Variants in SLC51B observed in about 807,000 individuals in gnomAD.
SLC51B encodes the protein organic solute transporter subunit beta.
Under a neutral mutation model 8.0 loss-of-function variants are expected in SLC51B, and 6 were observed. That is an observed-to-expected ratio of 0.75 (90% CI 0.41 to 1.48). The LOEUF (loss-of-function observed/expected upper bound fraction) is 1.48, where lower values mean the gene tolerates loss of function less well. SLC51B is among the 40% of genes most tolerant of loss of function. The pLI is 0.01. For missense variants in SLC51B, 150 were observed against 149.7 expected (o/e 1.00, Z -0.01); for synonymous variants, 61 against 54.8 (o/e 1.11, Z -0.50).
At position 65,050,839 on chromosome 15, in the gene SLC51B, T is replaced by C. The variant is rs1388330997; in HGVS notation, c.98-676T>C. On this transcript the variant is annotated intron_variant, in intron 2 of 3. Coordinates refer to ENST00000334287, the MANE Select transcript of SLC51B (RefSeq NM_178859.4). ...TTTTTTCTTTCTTCTTCTTCTTCTTTTTTTTTTTTTTTTTGCCTTTTTTTT... is the reference window on the plus strand; with the variant it reads ...TTTTTTCTTTCTTCTTCTTCTTCTTCTTTTTTTTTTTTTTGCCTTTTTTTT... Among the ~76,000 whole-genome samples the C allele has an allele frequency of 1.2e-4, 17 of 145,570 alleles. No individual in the cohort carries two copies. In the South Asian group the frequency reaches 3.2e-3, roughly 27 times the overall value.
At chr15:65,050,836 C>CTTTTTTTTTTTTT (rs57404080) in intron 2 of SLC51B, among the ~76,000 whole-genome samples, 4 of 95,646 alleles carry the variant, frequency 4.2e-5, no homozygotes, top group Non-Finnish European at 5.6e-5. Flanking sequence ...TCTTCTTCTT[C>CTTTTTTTTTTTTT]TTTTTTTTTT....
intron 1 of SLC51B, chr15:65,049,360 G>T (rs1209900021): frequency 4.6e-5 from 7 of 151,540 alleles, no homozygotes; most frequent in Admixed American, 2.0e-4. Context: ...AAAAGCTCTC[G>T]GGGTCGGGGC....
At chr15:65,051,143 C>A (rs997076585) in intron 2 of SLC51B, among the ~76,000 whole-genome samples, 1 of 152,138 alleles carries the variant, frequency 6.6e-6, no homozygotes, top group Non-Finnish European at 1.5e-5. Flanking sequence ...TGAGCCCAGC[C>A]TTCTTTCTTT....
intron 1 of SLC51B, among the ~76,000 whole-genome samples, chr15:65,048,904 G>C (rs998545905): frequency 4.0e-5 from 6 of 151,810 alleles, no homozygotes; most frequent in African/African-American, 1.5e-4. Flanking sequence ...CAGCTACTTA[G>C]GAGGCTGAGA....
At chr15:65,050,139 G>C in intron 2 of SLC51B, 38 bp downstream of exon 2, 1 of 1,506,166 alleles carries the variant, frequency 6.6e-7, no homozygotes, top group South Asian at 1.2e-5. Flanking sequence ...GTGGGGGTGT[G>C]CCCCTCAACA....
chr15:65,046,343 G>T (rs1339733288), intron 1 of SLC51B, among the ~76,000 whole-genome samples: 1 of 151,396 alleles, frequency 6.6e-6, no homozygotes. Flanking sequence ...GGTGGTGGAT[G>T]CCTATAATCA....
At chr15:65,047,879 C>T (rs1053691069) in intron 1 of SLC51B, among the ~76,000 whole-genome samples, 14 of 152,072 alleles carry the variant, frequency 9.2e-5, no homozygotes, top group African/African-American at 3.4e-4. Flanking sequence ...CATGTGAGTC[C>T]TTGAAAGTCT....
intron 1 of SLC51B, among the ~76,000 whole-genome samples, chr15:65,047,767 T>C (rs769318219): frequency 8.1e-5 from 12 of 148,424 alleles, no homozygotes; most frequent in Non-Finnish European, 1.6e-4. Flanking sequence ...GGTAGGCAGA[T>C]AGATAGATAG....
intron 2 of SLC51B, 26 bp from the exon 3 acceptor site, chr15:65,051,489 G>A: frequency 3.7e-6 from 6 of 1,610,696 alleles, no homozygotes; most frequent in Non-Finnish European, 5.1e-6. Context: ...ATTCCTCAGG[G>A]CTCTGTCCTG....
Position 65,045,498 on chromosome 15 carries a change from A to C in SLC51B, c.-193A>C, listed in dbSNP as rs1296257872. Reference sequence around the variant, plus strand: ...AGTGCAAAGACTATCCTGTTCTCCCATAAAGAGGAGGAAAAGGAAGATACA... The same window carrying C: ...AGTGCAAAGACTATCCTGTTCTCCCCTAAAGAGGAGGAAAAGGAAGATACA... On this transcript the variant is annotated 5_prime_UTR_variant, in exon 1 of 4. Transcript: ENST00000334287. The C allele has an allele frequency of 6.6e-6, 1 of 152,236 alleles. No homozygotes were observed. The highest frequency in any genetic ancestry group is 1.5e-5 in the Non-Finnish European group (1 of 68,050). The allele number at this position is 152,236 out of a possible 1,614,324, so 9.4% of individuals were successfully genotyped here. A position where few individuals can be genotyped will look rare whatever the true frequency, so the allele number is the denominator to read the frequency against.
rs535025154 is a variant in SLC51B, at chr15:65,048,596, T to G, written c.-108-1301T>G. ...TGGTGCCCTATGGCATGTTTTATAA[T>G]TGATCTGTTCAAAACACTTCTCTTG... On this transcript the variant is annotated intron_variant, in intron 1 of 3. Coordinates refer to ENST00000334287, the MANE Select transcript of SLC51B (RefSeq NM_178859.4). Among the ~76,000 whole-genome samples the G allele has an allele frequency of 5.3e-5, 8 of 152,370 alleles. No homozygotes were observed. In the South Asian group the frequency reaches 1.0e-3, roughly 20 times the overall value.
At chr15:65,049,762 A>C in intron 1 of SLC51B, 135 bp from the exon 2 acceptor site, 1 of 403,462 alleles carries the variant, frequency 2.5e-6, no homozygotes, top group Non-Finnish European at 4.5e-6. Flanking sequence ...CTGCCCCTCC[A>C]GGCTCCACGT....
intron 2 of SLC51B, 79 bp downstream of exon 2, chr15:65,050,180 C>A: frequency 9.0e-7 from 1 of 1,107,496 alleles, no homozygotes; most frequent in Non-Finnish European, 1.3e-6. Flanking sequence ...GGTCCTGACA[C>A]TGTCGTCCCC....
chr15:65,053,382 A>G lies in SLC51B; in HGVS notation c.*218A>G, dbSNP rs1023737439. 1.5e-6 allele frequency: 2 copies of G among 1,377,768 alleles called. No individual in the cohort carries two copies. Among genetic ancestry groups the G allele is most frequent in the African/African-American group, 2.9e-5 (2 of 68,598 alleles). 85.3% of individuals were successfully genotyped at this position (1,377,768 alleles called of 1,614,324 possible). On this transcript the variant is annotated 3_prime_UTR_variant, in exon 4 of 4. Transcript: ENST00000334287. ...TTTTATTAAAATGCTCCTGGAAGGG[A>G]GCAGGTGGTATTGCATAGTTTGTTC...
At chr15:65,050,833 C>CTTTTTTTTTTTTTTTTTTTTTTTTTTTT (rs67418433) in intron 2 of SLC51B, among the ~76,000 whole-genome samples, 16 of 88,602 alleles carry the variant, frequency 1.8e-4, no homozygotes, top group East Asian at 3.8e-4. Context: ...TCTTCTTCTT[C>CTTTTTTTTTTTTTTTTTTTTTTTTTTTT]TTCTTTTTTT....
rs375150814 is a variant in SLC51B, at chr15:65,050,079, T to C, written c.75T>C (p.Leu25=). 2 of 1,551,590 alleles carry C rather than the reference T, an allele frequency of 1.3e-6. No homozygotes were observed. The highest frequency in any genetic ancestry group is 8.7e-7 in the Non-Finnish European group (1 of 1,146,934). The stretch of plus-strand genomic sequence containing the variant: ...CCCAGGAGCTGCTGGAAGAGATGCT[T>C]TGGTTTTTTCGTGTGGAAGATGGTA... ...VVPQELLEEM[L]WFFRVEDASP... The change falls in exon 2 of 4, where the codon CTT becomes CTC. Residue 25 remains leucine (L), a synonymous_variant. Coordinates refer to ENST00000334287, the MANE Select transcript of SLC51B (RefSeq NM_178859.4).
chr15:65,049,810 T>G (rs1390373249), intron 1 of SLC51B, 87 bp from the exon 2 acceptor site: 4 of 387,830 alleles, frequency 1.0e-5, no homozygotes, highest in Non-Finnish European at 1.9e-5. Flanking sequence ...GTCCCATAAC[T>G]TTGGGCCAGA....
At chr15:65,047,822 TAGATAG>T (rs2140503679) in intron 1 of SLC51B, among the ~76,000 whole-genome samples, 1 of 151,848 alleles carries the variant, frequency 6.6e-6, no homozygotes, top group African/African-American at 2.4e-5. Flanking sequence ...GATAGATAGA[TAGATAG>T]ATAGATAGAA....
In SLC51B at chr15:65,051,617, G is replaced by A. The variant is rs764140819; in HGVS notation, c.188+12G>A. 1 of 1,612,462 alleles carries A rather than the reference G, an allele frequency of 6.2e-7. No individual in the cohort carries two copies. Among genetic ancestry groups the A allele is most frequent in the South Asian group, 1.1e-5 (1 of 91,012 alleles). On this transcript the variant is annotated intron_variant, in intron 3 of 3. Coordinates refer to ENST00000334287, the MANE Select transcript of SLC51B (RefSeq NM_178859.4). Reference sequence around the variant, plus strand: ...ATCCAGGCAAGCAGGTGAGGAGCTGGTCCTGGGGGGATGGGGTGGTCTCTG... The same window carrying A: ...ATCCAGGCAAGCAGGTGAGGAGCTGATCCTGGGGGGATGGGGTGGTCTCTG...
Sources: allele counts gnomAD v4.1 joint callset (sites outside exome capture counted in the v4.1 genomes callset), GRCh38; gene constraint gnomAD v4.1.1; transcripts MANE v1.5; gene names NCBI Gene and HGNC (gene_info 2026-07-23, HGNC 2026-07-21).